The following ACOXL variants were observed in gnomAD, a reference collection of about 807,000 sequenced individuals.
ACOXL encodes the protein acyl-coenzyme A oxidase-like protein.
In ACOXL, 70 loss-of-function variants were observed where a neutral mutation model predicts 71.9. The observed-to-expected ratio is 0.97, with a 90% CI of 0.80 to 1.19. The LOEUF (loss-of-function observed/expected upper bound fraction) is 1.19, where lower values mean the gene tolerates loss of function less well. Among genes scored for constraint, ACOXL ranks in the 50% most tolerant of loss-of-function variants. The probability of loss-of-function intolerance (pLI) is 0.00; values close to 1 mark genes in which losing one functional copy is unlikely to be tolerated. For missense variants in ACOXL, 703 were observed against 736.3 expected, an observed-to-expected ratio of 0.95 and a Z score of 0.52; for synonymous variants, 253 against 281.6, an observed-to-expected ratio of 0.90 and a Z score of 1.02.
intron 1 of ACOXL, among the ~76,000 whole-genome samples, chr2:110,759,338 TG>T (rs1454105750): frequency 1.3e-5 from 2 of 152,212 alleles, no homozygotes; most frequent in African/African-American, 4.8e-5. Context: ...TCTAAGAATT[TG>T]CTTTATGAAT....
intron 16 of ACOXL, among the ~76,000 whole-genome samples, chr2:111,068,087 C>G (rs1234480751): frequency 6.6e-6 from 1 of 152,116 alleles, no homozygotes; most frequent in Non-Finnish European, 1.5e-5. Flanking sequence ...CCACCCACCC[C>G]CTATACAGTG....
chr2:110,849,171 T>C (rs1692289070), intron 10 of ACOXL, among the ~76,000 whole-genome samples: 1 of 152,238 alleles, frequency 6.6e-6, no homozygotes, highest in Admixed American at 6.5e-5. Context: ...CCTTCCTGTC[T>C]GCCTCAGGCA....
chr2:110,814,996 A>G (rs980975754), intron 9 of ACOXL, among the ~76,000 whole-genome samples: 11 of 152,190 alleles, frequency 7.2e-5, no homozygotes, highest in African/African-American at 2.7e-4. Context: ...TAATAAAGAC[A>G]TACCCGAGAC....
At chr2:110,911,287 C>G (rs1290826856) in intron 11 of ACOXL, among the ~76,000 whole-genome samples, 1 of 151,994 alleles carries the variant, frequency 6.6e-6, no homozygotes, top group Admixed American at 6.6e-5. Context: ...GTGAATTCCA[C>G]CAAACATTTA....
chr2:110,926,135 T>C (rs2060260616), intron 11 of ACOXL, among the ~76,000 whole-genome samples: 1 of 152,082 alleles, frequency 6.6e-6, no homozygotes, highest in South Asian at 2.1e-4. Flanking sequence ...ACATCAAAGA[T>C]CACTAATGAC....
At chr2:110,755,398 C>T (rs1396319519) in intron 1 of ACOXL, among the ~76,000 whole-genome samples, 1 of 152,130 alleles carries the variant, frequency 6.6e-6, no homozygotes, top group African/African-American at 2.4e-5. Context: ...ATTTTATATG[C>T]CATTGTTATA....
At chr2:111,109,485 A>C (rs1307879706) in intron 17 of ACOXL, among the ~76,000 whole-genome samples, 1 of 151,834 alleles carries the variant, frequency 6.6e-6, no homozygotes, top group Non-Finnish European at 1.5e-5. Flanking sequence ...ATTTCTATGA[A>C]TCTGTTTTCA....
At chr2:110,806,828 C>A (rs550093719) in intron 9 of ACOXL, among the ~76,000 whole-genome samples, 7 of 152,200 alleles carry the variant, frequency 4.6e-5, no homozygotes, top group African/African-American at 1.7e-4. Flanking sequence ...ACGTCCATGC[C>A]GCCAGCAGCC....
At chr2:110,840,730 T>C (rs1414438048) in intron 9 of ACOXL, among the ~76,000 whole-genome samples, 1 of 152,232 alleles carries the variant, frequency 6.6e-6, no homozygotes, top group East Asian at 1.9e-4. Flanking sequence ...CCTCCACTTG[T>C]TGCTGTGCCC....
rs750834607 is a variant in ACOXL at position 110,801,759 on chromosome 2, C to G, written c.620+35C>G. 11 of 1,582,702 alleles carry G rather than the reference C, an allele frequency of 7.0e-6. No homozygotes were observed. In the Admixed American group the frequency reaches 1.8e-4, roughly 26 times the overall value. ...TTCTCCTTAACTCAGGTCAATGGTG[C>G]AGATGATCTCACTGCTCTCCAAAGT... On this transcript the variant is annotated intron_variant, in intron 8 of 17. Coordinates refer to ENST00000439055, the MANE Select transcript of ACOXL (RefSeq NM_001142807.4).
At chr2:110,996,662 T>C (rs1029206958) in intron 14 of ACOXL, among the ~76,000 whole-genome samples, 1 of 152,172 alleles carries the variant, frequency 6.6e-6, no homozygotes, top group Non-Finnish European at 1.5e-5. Context: ...CCAGGTTGCT[T>C]CTCTCCTTCT....
chr2:110,964,269 A>G (rs1412920593), intron 12 of ACOXL, among the ~76,000 whole-genome samples: 2 of 152,226 alleles, frequency 1.3e-5, no homozygotes, highest in Non-Finnish European at 2.9e-5. Flanking sequence ...CATTTTCACC[A>G]GTACATTATT....
intron 12 of ACOXL, among the ~76,000 whole-genome samples, chr2:110,937,408 T>G (rs2060705102): frequency 6.6e-6 from 1 of 152,216 alleles, no homozygotes; most frequent in African/African-American, 2.4e-5. Flanking sequence ...AAAAATGTTT[T>G]AGGAGCTCTG....
intron 10 of ACOXL, among the ~76,000 whole-genome samples, chr2:110,866,412 A>G (rs562810884): frequency 6.6e-6 from 1 of 152,242 alleles, no homozygotes; most frequent in Admixed American, 6.5e-5. Context: ...ATTAGTTCAG[A>G]CTCAGTTAAG....
chr2:111,039,604 A>G (rs2065680651), intron 15 of ACOXL, among the ~76,000 whole-genome samples: 1 of 152,216 alleles, frequency 6.6e-6, no homozygotes, highest in Non-Finnish European at 1.5e-5. Flanking sequence ...GATATTGAAT[A>G]CTTTTGAATT....
At chr2:110,971,436 G>A (rs1367998257) in intron 12 of ACOXL, among the ~76,000 whole-genome samples, 1 of 152,146 alleles carries the variant, frequency 6.6e-6, no homozygotes, top group Non-Finnish European at 1.5e-5. Flanking sequence ...GGATCTCTCT[G>A]AATTATTTCT....
At chr2:110,794,643 T>A (rs559326085) in intron 5 of ACOXL, among the ~76,000 whole-genome samples, 6 of 152,270 alleles carry the variant, frequency 3.9e-5, no homozygotes, top group Admixed American at 3.9e-4. Flanking sequence ...TCCCTTACCG[T>A]GACCTGCACT....
At chr2:110,810,382 G>T (rs1034133308) in intron 9 of ACOXL, among the ~76,000 whole-genome samples, 3 of 152,092 alleles carry the variant, frequency 2.0e-5, no homozygotes, top group African/African-American at 7.2e-5. Context: ...AGGCCTAGTA[G>T]AGCCCTACAT....
At chr2:111,071,239 A>G (rs1038023189) in intron 16 of ACOXL, among the ~76,000 whole-genome samples, 2 of 152,158 alleles carry the variant, frequency 1.3e-5, no homozygotes, top group African/African-American at 4.8e-5. Flanking sequence ...GGGATCAAAG[A>G]AAAAGACCCA....
Sources: allele counts gnomAD v4.1 joint callset (sites outside exome capture counted in the v4.1 genomes callset), GRCh38; gene constraint gnomAD v4.1.1; transcripts MANE v1.5; gene names NCBI Gene and HGNC (gene_info 2026-07-23, HGNC 2026-07-21).